Variants in MMD2 observed in about 807,000 individuals in gnomAD.
MMD2 encodes monocyte to macrophage differentiation associated 2.
In MMD2, 30 loss-of-function variants were observed where a neutral mutation model predicts 33.5. That is an observed-to-expected ratio of 0.90 (90% confidence interval 0.67 to 1.22). MMD2 has a LOEUF of 1.22. MMD2 is among the 50% of genes most tolerant of loss of function. The pLI is 0.00. For missense variants in MMD2, 364 were observed against 325.4 expected, an observed-to-expected ratio of 1.12 and a Z score of -0.91; for synonymous variants, 129 against 123.0, an observed-to-expected ratio of 1.05 and a Z score of -0.32.
chr7:4,933,622 C>G (rs1295013058), intron 1 of MMD2, among the ~76,000 whole-genome samples: 1 of 150,970 alleles, frequency 6.6e-6, no homozygotes, highest in Non-Finnish European at 1.5e-5. Flanking sequence ...CATTCATTCT[C>G]CAGTTGAGGG....
At position 4,918,966 on chromosome 7, in the gene MMD2, G is replaced by C. The variant is rs1013634300; in HGVS notation, c.290+1205C>G. On this transcript the variant is annotated intron_variant, in intron 3 of 6. Coordinates refer to ENST00000401401, the MANE Select transcript of MMD2 (RefSeq NM_198403.4). Reference sequence around the variant, plus strand: ...TACATAAAATTAGCTAGATGAGGTGGTGCATGCCTGTAGTCCCAGCTACTC... The same window carrying C: ...TACATAAAATTAGCTAGATGAGGTGCTGCATGCCTGTAGTCCCAGCTACTC... Among the ~76,000 whole-genome samples the C allele has an allele frequency of 5.3e-5, 8 of 151,968 alleles. No individual in the cohort carries two copies. The East Asian group carries it at 9.7e-4, about 18-fold the overall frequency.
chr7:4,937,958 C>A (rs1030099987), intron 1 of MMD2, among the ~76,000 whole-genome samples: 29 of 141,004 alleles, frequency 2.1e-4, no homozygotes, highest in African/African-American at 7.0e-4. Flanking sequence ...CCTAAGAAAA[C>A]AATTTAATTT....
At chr7:4,934,256 C>A (rs954858955) in intron 1 of MMD2, among the ~76,000 whole-genome samples, 11 of 151,754 alleles carry the variant, frequency 7.2e-5, no homozygotes, top group African/African-American at 2.7e-4. Context: ...TTTCCACCAC[C>A]ACACCCAACT....
At chr7:4,929,247 CA>C (rs1214005695) in intron 1 of MMD2, among the ~76,000 whole-genome samples, 1 of 152,134 alleles carries the variant, frequency 6.6e-6, no homozygotes, top group Non-Finnish European at 1.5e-5. Flanking sequence ...GCCCATTCGA[CA>C]GATGAGAAAA....
In MMD2 at chr7:4,913,265, A is replaced by C. The variant is rs377338363; in HGVS notation, c.366-2019T>G. Among the ~76,000 whole-genome samples the C allele has an allele frequency of 1.1e-3, 163 of 152,354 alleles. 1 individual carries two copies. Among genetic ancestry groups the C allele is most frequent in the African/African-American group, 3.8e-3 (159 of 41,590 alleles). On this transcript the variant is annotated intron_variant, in intron 4 of 6. Coordinates refer to ENST00000401401, the MANE Select transcript of MMD2 (RefSeq NM_198403.4). ...GAAAGGGTGAGAATTAAAGTTATACACATCTTTTTTAATTAAAAGTATTAC... is the reference window on the plus strand; with the variant it reads ...GAAAGGGTGAGAATTAAAGTTATACCCATCTTTTTTAATTAAAAGTATTAC...
At chr7:4,924,754 G>A (rs926535548) in intron 2 of MMD2, among the ~76,000 whole-genome samples, 3 of 152,164 alleles carry the variant, frequency 2.0e-5, no homozygotes, top group Non-Finnish European at 2.9e-5. Context: ...CCGGTGACAG[G>A]AACAGCCCGT....
At chr7:4,909,117 GA>G (rs929454052) in intron 6 of MMD2, among the ~76,000 whole-genome samples, 6 of 151,880 alleles carry the variant, frequency 4.0e-5, no homozygotes, top group Admixed American at 2.0e-4. Context: ...AATATTTAGA[GA>G]AAAAAAACAT....
At chr7:4,945,543 G>A (rs554851879) in intron 1 of MMD2, among the ~76,000 whole-genome samples, 37 of 151,490 alleles carry the variant, frequency 2.4e-4, no homozygotes, top group East Asian at 2.2e-3. Flanking sequence ...TGGGATTACA[G>A]GCATGAGCCG....
At chr7:4,924,720 C>T (rs1785377259) in intron 2 of MMD2, among the ~76,000 whole-genome samples, 1 of 152,136 alleles carries the variant, frequency 6.6e-6, no homozygotes, top group African/African-American at 2.4e-5. Flanking sequence ...ATAGGCAGGG[C>T]TGGAGTGGAG....
chr7:4,931,230 C>T (rs931498520), intron 1 of MMD2, among the ~76,000 whole-genome samples: 36 of 152,216 alleles, frequency 2.4e-4, no homozygotes, highest in Middle Eastern at 3.4e-3. Context: ...ACTGCAGCCT[C>T]GACCTCCTGG....
At chr7:4,958,901 T>C in intron 1 of MMD2, 70 bp downstream of exon 1, 1 of 1,236,548 alleles carries the variant, frequency 8.1e-7, no homozygotes, top group South Asian at 3.0e-5. Flanking sequence ...AGAACCAAGG[T>C]GGCCTCCGCG....
At chr7:4,907,945 A>G (rs946917193) in intron 6 of MMD2, among the ~76,000 whole-genome samples, 2 of 150,862 alleles carry the variant, frequency 1.3e-5, no homozygotes, top group African/African-American at 2.4e-5. Context: ...GGGACTACAG[A>G]TATCCCATGG....
chr7:4,915,475 C>T (rs566540124), intron 4 of MMD2, among the ~76,000 whole-genome samples: 1 of 151,630 alleles, frequency 6.6e-6, no homozygotes, highest in Non-Finnish European at 1.5e-5. Context: ...CACGGTGGCT[C>T]ACACCTGTAA....
At chr7:4,936,118 G>C (rs1247964255) in intron 1 of MMD2, among the ~76,000 whole-genome samples, 4 of 150,334 alleles carry the variant, frequency 2.7e-5, no homozygotes, top group Admixed American at 2.0e-4. Context: ...CCGGGAGGCA[G>C]AGGTTCCTAT....
intron 1 of MMD2, among the ~76,000 whole-genome samples, chr7:4,926,995 C>T (rs1454091329): frequency 1.3e-5 from 2 of 151,254 alleles, no homozygotes; most frequent in African/African-American, 2.4e-5. Flanking sequence ...CCGCCTGCCT[C>T]GGCCTCCCAA....
intron 1 of MMD2, among the ~76,000 whole-genome samples, chr7:4,931,009 C>T (rs529422816): frequency 1.8e-3 from 267 of 152,176 alleles, no homozygotes; most frequent in African/African-American, 6.1e-3. Flanking sequence ...CGCCACCAGG[C>T]CTGGCTATTT....
intron 1 of MMD2, among the ~76,000 whole-genome samples, chr7:4,955,946 G>C (rs1786371081): frequency 6.6e-6 from 1 of 152,114 alleles, no homozygotes; most frequent in East Asian, 1.9e-4. Context: ...CCAGCTACTT[G>C]GGAGGCTGAG....
chr7:4,898,299 G>A, the MMD2 span, among the ~76,000 whole-genome samples: 56,866 of 152,064 alleles, frequency 0.37, 11,080 homozygotes, highest in South Asian at 0.48. Context: ...GGATCCCAAG[G>A]TATGACACCA....
intron 3 of MMD2, among the ~76,000 whole-genome samples, 152 bp downstream of exon 3, chr7:4,920,003 TGCCTCCTGCAAAGCCA>T (rs1359253284): frequency 6.6e-5 from 10 of 152,334 alleles, no homozygotes; most frequent in East Asian, 5.8e-4. Context: ...GCAGGGCTTG[TGCCTCCTGCAAAGCCA>T]GCCTCCTGCA....
Sources: allele counts gnomAD v4.1 joint callset (sites outside exome capture counted in the v4.1 genomes callset), GRCh38; gene constraint gnomAD v4.1.1; transcripts MANE v1.5; gene names NCBI Gene and HGNC (gene_info 2026-07-23, HGNC 2026-07-21).